BMP5: variants seen among roughly 807,000 people sequenced by gnomAD.
BMP5 encodes the protein bone morphogenetic protein 5.
A neutral mutation model predicts 46.6 loss-of-function variants in BMP5; 23 were observed. The ratio of observed to expected loss-of-function variants is 0.49; its 90% CI spans 0.35 to 0.70. The LOEUF is 0.70. BMP5 is among the 30% of genes least tolerant of loss of function. The probability of loss-of-function intolerance (pLI) is 0.00; values close to 1 mark genes in which losing one functional copy is unlikely to be tolerated. For missense variants in BMP5, 545 were observed against 565.6 expected (o/e 0.96, Z 0.37); for synonymous variants, 204 against 191.9 (o/e 1.06, Z -0.52).
At chr6:55,872,638 CT>C (rs1373282596) in intron 1 of BMP5, among the ~76,000 whole-genome samples, 1 of 151,720 alleles carries the variant, frequency 6.6e-6, no homozygotes, top group Non-Finnish European at 1.5e-5. Context: ...GCTTACACTT[CT>C]CTTGTGAATG....
intron 2 of BMP5, 49 bp from the exon 3 acceptor site, chr6:55,794,476 C>A (rs1463967717): frequency 1.1e-5 from 18 of 1,565,822 alleles, no homozygotes; most frequent in Non-Finnish European, 1.5e-5. Context: ...AAATGAACAT[C>A]ATTATTTCCT....
chr6:55,788,541 T>C (rs1293395341), intron 3 of BMP5, among the ~76,000 whole-genome samples: 5 of 151,852 alleles, frequency 3.3e-5, no homozygotes, highest in Admixed American at 3.3e-4. Context: ...ATAAAAGAAC[T>C]AGTCCCAAGT....
Position 55,753,697 on chromosome 6 carries a change from A to C in BMP5, c.*1836T>G, listed in dbSNP as rs1774511131. 1 of 151,866 alleles carries C rather than the reference A, an allele frequency of 6.6e-6. No homozygotes were observed. The highest frequency in any genetic ancestry group is 6.6e-5 in the Admixed American group (1 of 15,210). 9.4% of individuals were successfully genotyped at this position (151,866 alleles called of 1,614,324 possible). Reference sequence around the variant, plus strand: ...ATAGTGAGATAATTATTAACAACACAAAAAACAATTTTGGCAATTAAGAAC... The same window carrying C: ...ATAGTGAGATAATTATTAACAACACCAAAAACAATTTTGGCAATTAAGAAC... On this transcript the variant is annotated 3_prime_UTR_variant, in exon 7 of 7. Coordinates refer to ENST00000370830, the MANE Select transcript of BMP5 (RefSeq NM_021073.4).
chr6:55,791,364 C>G (rs1223997558), intron 3 of BMP5, among the ~76,000 whole-genome samples: 1 of 152,124 alleles, frequency 6.6e-6, no homozygotes, highest in Non-Finnish European at 1.5e-5. Flanking sequence ...AAGCAAAAAG[C>G]CAGCTAGCCT....
chr6:55,773,495 CTGTGTGTG>C (rs10555940), intron 4 of BMP5, among the ~76,000 whole-genome samples: 3,758 of 147,998 alleles, frequency 0.025, 133 homozygotes, highest in African/African-American at 0.08. Context: ...TGTTGAAAGA[CTGTGTGTG>C]TGTGTGTGTG....
chr6:55,855,206 T>C (rs973967786), intron 1 of BMP5, among the ~76,000 whole-genome samples: 1 of 152,086 alleles, frequency 6.6e-6, no homozygotes, highest in Non-Finnish European at 1.5e-5. Context: ...ACTTCCTTTT[T>C]AAATTTTTAT....
intron 2 of BMP5, among the ~76,000 whole-genome samples, chr6:55,800,413 C>T (rs1172997211): frequency 6.6e-6 from 1 of 152,100 alleles, no homozygotes; most frequent in African/African-American, 2.4e-5. Flanking sequence ...TATGCTTATA[C>T]AAAAAATCAA....
chr6:55,778,998 A>C (rs1277088966), intron 3 of BMP5, among the ~76,000 whole-genome samples: 3 of 152,100 alleles, frequency 2.0e-5, no homozygotes, highest in African/African-American at 4.8e-5. Context: ...CCAAAGCTCT[A>C]TCCCAGACTC....
At chr6:55,823,873 A>G (rs1776466692) in intron 1 of BMP5, among the ~76,000 whole-genome samples, 1 of 151,910 alleles carries the variant, frequency 6.6e-6, no homozygotes, top group Non-Finnish European at 1.5e-5. Context: ...TACATTTCTT[A>G]TCTAAGGAAT....
chr6:55,855,490 TTTTA>T (rs892770127), intron 1 of BMP5, among the ~76,000 whole-genome samples: 56 of 152,272 alleles, frequency 3.7e-4, no homozygotes, highest in African/African-American at 1.3e-3. Context: ...TTATTTCTCT[TTTTA>T]TTTGTTTGGG....
intron 3 of BMP5, among the ~76,000 whole-genome samples, chr6:55,789,015 T>C (rs927181198): frequency 2.0e-5 from 3 of 151,940 alleles, no homozygotes; most frequent in Non-Finnish European, 3.0e-5. Flanking sequence ...ACTTTAAACC[T>C]GAAGTTTTAC....
intron 2 of BMP5, among the ~76,000 whole-genome samples, chr6:55,817,077 A>G (rs1041036102): frequency 1.3e-5 from 2 of 152,136 alleles, no homozygotes; most frequent in South Asian, 4.1e-4. Flanking sequence ...TTAGAATGGC[A>G]ATCATTAAAA....
chr6:55,806,324 G>A (rs1775987207), intron 2 of BMP5, among the ~76,000 whole-genome samples: 1 of 152,128 alleles, frequency 6.6e-6, no homozygotes, highest in Non-Finnish European at 1.5e-5. Context: ...ATTAAATAGG[G>A]AATCCTTTCC....
rs187444238 is a variant in BMP5 at position 55,838,417 on chromosome 6, A to G, written c.491-18570T>C. On this transcript the variant is annotated intron_variant, in intron 1 of 6. Coordinates refer to ENST00000370830, the MANE Select transcript of BMP5 (RefSeq NM_021073.4). ...AATGATGTTGAGCACCTTTTCATAT[A>G]CCTGTTTGCCATTTGTATGTCTTCT... Among the ~76,000 whole-genome samples, 47 of 152,102 alleles carry G rather than the reference A, an allele frequency of 3.1e-4. No individual in the cohort carries two copies. The East Asian group carries it at 8.7e-3, about 28-fold the overall frequency.
intron 2 of BMP5, among the ~76,000 whole-genome samples, chr6:55,796,564 T>C (rs1341993424): frequency 6.6e-6 from 1 of 151,960 alleles, no homozygotes; most frequent in Non-Finnish European, 1.5e-5. Context: ...GTTAGTTACA[T>C]ATGTATATAT....
At position 55,864,150 on chromosome 6, in the gene BMP5, C is replaced by T. The variant is rs150603910; in HGVS notation, c.490+10226G>A. 7.4e-3 allele frequency among the ~76,000 whole-genome samples: 1,130 copies of T among 152,066 alleles called. 18 individuals carry two copies. Among genetic ancestry groups the T allele is most frequent in the Middle Eastern group, 0.017 (5 of 294 alleles). ...AAGAGAAAAACCTTAAATGGTGGTTCGAATATATCAATAAATATGTAGCTG... is the reference window on the plus strand; with the variant it reads ...AAGAGAAAAACCTTAAATGGTGGTTTGAATATATCAATAAATATGTAGCTG... On this transcript the variant is annotated intron_variant, in intron 1 of 6. Transcript: ENST00000370830.
At chr6:55,836,378 G>A (rs1435479594) in intron 1 of BMP5, among the ~76,000 whole-genome samples, 1 of 152,000 alleles carries the variant, frequency 6.6e-6, no homozygotes, top group South Asian at 2.1e-4. Flanking sequence ...AAAGACTAGA[G>A]AGCATATTTT....
intron 1 of BMP5, among the ~76,000 whole-genome samples, chr6:55,832,718 T>C (rs1776695230): frequency 6.6e-6 from 1 of 152,186 alleles, no homozygotes; most frequent in Admixed American, 6.6e-5. Context: ...AGGAGGTTAC[T>C]GAATTTCTTT....
rs530549528 is a variant in BMP5, at chr6:55,758,192, A to G, written c.1215+813T>C. 9.2e-5 allele frequency among the ~76,000 whole-genome samples: 14 copies of G among 152,058 alleles called. No homozygotes were observed. In the East Asian group the frequency reaches 9.7e-4, roughly 11 times the overall value. ...GTGTTCTCTCCCATTCTTCTTAAAT[A>G]CAAAAGTTAAAATTTTTATATTAGC... On this transcript the variant is annotated intron_variant, in intron 6 of 6. Transcript: ENST00000370830.
Sources: allele counts gnomAD v4.1 joint callset (sites outside exome capture counted in the v4.1 genomes callset), GRCh38; gene constraint gnomAD v4.1.1; transcripts MANE v1.5; gene names NCBI Gene and HGNC (gene_info 2026-07-23, HGNC 2026-07-21).